Variants in ATP8B1 observed in about 807,000 individuals in gnomAD.
ATP8B1 encodes the protein phospholipid-transporting ATPase IC.
ATP8B1 carries 80 observed loss-of-function variants against 149.9 expected under a neutral mutation model. The observed-to-expected ratio is 0.53, with a 90% confidence interval of 0.45 to 0.64. The LOEUF (loss-of-function observed/expected upper bound fraction) is 0.64. Among genes scored for constraint, ATP8B1 ranks in the 30% least tolerant of loss-of-function variants. The probability of loss-of-function intolerance (pLI) is 0.00; values close to 1 mark genes in which losing one functional copy is unlikely to be tolerated. For synonymous variants in ATP8B1, 536 were observed against 562.8 expected, an observed-to-expected ratio of 0.95 and a Z score of 0.67; for missense variants, 1,247 against 1,552.6, an observed-to-expected ratio of 0.80 and a Z score of 3.31.
chr18:57,771,009 C>T (rs1019437284), intron 1 of ATP8B1, among the ~76,000 whole-genome samples: 9 of 152,172 alleles, frequency 5.9e-5, no homozygotes, highest in Admixed American at 3.3e-4. Context: ...ATTACAGGCA[C>T]GTGCCACCAC....
intron 23 of ATP8B1, among the ~76,000 whole-genome samples, chr18:57,654,626 C>T (rs564656194): frequency 1.3e-3 from 198 of 151,736 alleles, no homozygotes; most frequent in African/African-American, 4.4e-3. Context: ...GCCCTGTTAT[C>T]GCTACTCTTA....
At chr18:57,743,419 A>T (rs1003646057) in intron 1 of ATP8B1, among the ~76,000 whole-genome samples, 21 of 152,200 alleles carry the variant, frequency 1.4e-4, no homozygotes, top group African/African-American at 5.1e-4. Flanking sequence ...ACAAGCAAAA[A>T]ATATCAAACT....
chr18:57,689,386 AATAAG>A (rs1341100145), intron 12 of ATP8B1, among the ~76,000 whole-genome samples: 1 of 152,232 alleles, frequency 6.6e-6, no homozygotes, highest in Admixed American at 6.5e-5. Flanking sequence ...GAATATCCAA[AATAAG>A]ATATTATAAA....
In ATP8B1 at chr18:57,713,196, T is replaced by TTTCC. The variant is rs71171072; in HGVS notation, c.182-6613_182-6610dup. Among the ~76,000 whole-genome samples the TTTCC allele has an allele frequency of 3.1e-3, 280 of 89,924 alleles. 3 individuals carry two copies. Among genetic ancestry groups the TTTCC allele is most frequent in the Middle Eastern group, 0.022 (4 of 186 alleles). 59.0% of individuals were successfully genotyped at this position (89,924 alleles called of 152,430 possible). ...CTTTCTTTCTTTCTTTCTTTCTTTCTTTCCTTCCTTCCTTCCTTCCTTCCT... is the reference window on the plus strand; with the variant it reads ...CTTTCTTTCTTTCTTTCTTTCTTTCTTTCCTTCCTTCCTTCCTTCCTTCCTTCCT... On this transcript the variant is annotated intron_variant, in intron 2 of 27. Transcript: ENST00000648908.
At position 57,715,863 on chromosome 18, in the gene ATP8B1, G is replaced by A. The variant is rs376168404; in HGVS notation, c.182-9276C>T. On this transcript the variant is annotated intron_variant, in intron 2 of 27. Coordinates refer to ENST00000648908, the MANE Select transcript of ATP8B1 (RefSeq NM_001374385.1). ...AGAGTACATTAATCAGAAAGTAAAC[G>A]ATGTTAGTGAGCAATAAGAAATCAC... 5.9e-5 allele frequency among the ~76,000 whole-genome samples: 9 copies of A among 152,234 alleles called. No individual in the cohort carries two copies. In the East Asian group the frequency reaches 1.5e-3, roughly 26 times the overall value.
intron 1 of ATP8B1, among the ~76,000 whole-genome samples, chr18:57,759,027 G>C (rs545140722): frequency 6.6e-6 from 1 of 150,934 alleles, no homozygotes; most frequent in South Asian, 2.1e-4. Context: ...GTGGTGGCAC[G>C]CCCCTGTAGT....
In ATP8B1 at chr18:57,695,342, TAA is replaced by T; in HGVS notation, c.782-15_782-14del. 4 of 1,595,300 alleles carry T rather than the reference TAA, an allele frequency of 2.5e-6. No individual in the cohort carries two copies. The highest frequency in any genetic ancestry group is 3.4e-6 in the Non-Finnish European group (4 of 1,163,354). ...CATTCAATAAAACCTTTTAAAAATATAAGATTCACATAATTAATCACATACAA... is the reference window on the plus strand; with the variant it reads ...CATTCAATAAAACCTTTTAAAAATATGATTCACATAATTAATCACATACAA... On this transcript the variant is annotated splice_polypyrimidine_tract_variant and intron_variant, in intron 9 of 27. Transcript: ENST00000648908.
chr18:57,784,093 G>C lies in ATP8B1; in HGVS notation c.-26+18905C>G, dbSNP rs879528731. Among the ~76,000 whole-genome samples the C allele has an allele frequency of 2.7e-4, 41 of 152,210 alleles. No homozygotes were observed. Among genetic ancestry groups the C allele is most frequent in the Middle Eastern group, 3.2e-3 (1 of 316 alleles). Reference sequence around the variant, plus strand: ...TGAAGAAATGACATTTGGGCCAAAAGGCAAAAGATAAGGAGCCTTTCAGAG... The same window carrying C: ...TGAAGAAATGACATTTGGGCCAAAACGCAAAAGATAAGGAGCCTTTCAGAG... On this transcript the variant is annotated intron_variant, in intron 1 of 27. Transcript: ENST00000648908. The surrounding 1 kb of genome is among the most constrained non-coding windows in gnomAD (Gnocchi z 4.4).
chr18:57,771,719 T>C (rs1396655699), intron 1 of ATP8B1, among the ~76,000 whole-genome samples: 2 of 152,046 alleles, frequency 1.3e-5, no homozygotes, highest in Non-Finnish European at 1.5e-5. Context: ...TCAGAACATA[T>C]CCAGTTTCCA....
chr18:57,780,943 C>A (rs2123415266), intron 1 of ATP8B1, among the ~76,000 whole-genome samples: 1 of 152,278 alleles, frequency 6.6e-6, no homozygotes, highest in East Asian at 1.9e-4. Context: ...AGACAATTTC[C>A]TTGTCTCAGC....
chr18:57,695,389 C>T, intron 9 of ATP8B1, 60 bp from the exon 10 acceptor site: 1 of 1,589,760 alleles, frequency 6.3e-7, no homozygotes, highest in African/African-American at 1.3e-5. Flanking sequence ...TGGTTTTAAT[C>T]AATAGGAATT....
Position 57,646,463 on chromosome 18 carries a change from T to C in ATP8B1, c.*2025A>G, listed in dbSNP as rs1191773636. On this transcript the variant is annotated 3_prime_UTR_variant, in exon 28 of 28. Transcript: ENST00000648908. The stretch of plus-strand genomic sequence containing the variant: ...AGAAGATCATACTTTTCAAAGATTT[T>C]ACTAAATCATTTTTTTAAACAAAAT... 6.7e-6 allele frequency: 1 copy of C among 148,352 alleles called. No individual in the cohort carries two copies. The highest frequency in any genetic ancestry group is 2.0e-4 in the East Asian group (1 of 5,076). 9.2% of individuals were successfully genotyped at this position (148,352 alleles called of 1,614,324 possible). A position where few individuals can be genotyped will look rare whatever the true frequency, so the allele number is the denominator to read the frequency against.
At chr18:57,680,323 ACCTGTAAT>A (rs949619912) in intron 15 of ATP8B1, among the ~76,000 whole-genome samples, 2 of 143,198 alleles carry the variant, frequency 1.4e-5, no homozygotes, top group African/African-American at 5.1e-5. Context: ...GGTGGCTCAC[ACCTGTAAT>A]CCCAGCACCT....
At chr18:57,741,886 T>C (rs1211466855) in intron 1 of ATP8B1, among the ~76,000 whole-genome samples, 3 of 152,200 alleles carry the variant, frequency 2.0e-5, no homozygotes, top group Non-Finnish European at 2.9e-5. Flanking sequence ...ATTTACTTAT[T>C]TGAGACAGAG....
chr18:57,710,493 T>C (rs1257989824), intron 2 of ATP8B1, among the ~76,000 whole-genome samples: 1 of 151,938 alleles, frequency 6.6e-6, no homozygotes, highest in African/African-American at 2.4e-5. Context: ...AACGCTTGCT[T>C]ACAGACCCAC....
At chr18:57,754,549 A>T (rs1179324804) in intron 1 of ATP8B1, among the ~76,000 whole-genome samples, 1 of 152,176 alleles carries the variant, frequency 6.6e-6, no homozygotes, top group Admixed American at 6.5e-5. Context: ...TGCTGTGAGG[A>T]TAAAATGATT....
intron 13 of ATP8B1, among the ~76,000 whole-genome samples, chr18:57,686,432 G>GCTCA (rs1400481390): frequency 6.6e-6 from 1 of 151,942 alleles, no homozygotes; most frequent in Non-Finnish European, 1.5e-5. Context: ...ACGTACCCAG[G>GCTCA]CTCAGGTGAT....
intron 20 of ATP8B1, 51 bp downstream of exon 20, chr18:57,667,041 A>C: frequency 6.8e-7 from 1 of 1,479,836 alleles, no homozygotes; most frequent in Non-Finnish European, 9.5e-7. Context: ...ACAGTCTTGC[A>C]TTTGCAAAGA....
chr18:57,747,366 T>C (rs2079974215), intron 1 of ATP8B1, among the ~76,000 whole-genome samples: 1 of 151,684 alleles, frequency 6.6e-6, no homozygotes, highest in Admixed American at 6.6e-5. Flanking sequence ...GGCAGGAGAA[T>C]TGCTTGAACC....
Sources: allele counts gnomAD v4.1 joint callset (sites outside exome capture counted in the v4.1 genomes callset), GRCh38; gene constraint gnomAD v4.1.1; non-coding constraint Gnocchi (gnomAD v3.1); transcripts MANE v1.5; gene names NCBI Gene and HGNC (gene_info 2026-07-23, HGNC 2026-07-21).